The following HMGA2 variants were observed in gnomAD, a reference collection of about 807,000 sequenced individuals.
The protein encoded by HMGA2 is high mobility group protein HMGI-C.
Under a neutral mutation model 19.1 loss-of-function variants are expected in HMGA2, and 8 were observed. The ratio of observed to expected loss-of-function variants is 0.42; its 90% CI spans 0.25 to 0.76. The LOEUF (loss-of-function observed/expected upper bound fraction) is 0.76. HMGA2 is among the 30% of genes least tolerant of loss of function. The pLI, the probability that HMGA2 is intolerant of heterozygous loss-of-function variation, is 0.28. For synonymous variants in HMGA2, 60 were observed against 48.8 expected, an observed-to-expected ratio of 1.23 and a Z score of -0.96; for missense variants, 109 against 136.3, an observed-to-expected ratio of 0.80 and a Z score of 1.00.
intron 3 of HMGA2, among the ~76,000 whole-genome samples, chr12:65,861,194 T>C (rs1212521661): frequency 6.6e-6 from 1 of 152,156 alleles, no homozygotes; most frequent in Non-Finnish European, 1.5e-5. Context: ...GGTGAAACTC[T>C]GTCTCTACTG....
At chr12:65,909,997 T>TA (rs1469800129) in intron 3 of HMGA2, among the ~76,000 whole-genome samples, 1 of 152,002 alleles carries the variant, frequency 6.6e-6, no homozygotes, top group Non-Finnish European at 1.5e-5. Context: ...CTAGGACCAG[T>TA]AAAAAGGGCA....
At chr12:65,894,896 G>T (rs931465587) in intron 3 of HMGA2, among the ~76,000 whole-genome samples, 2 of 152,116 alleles carry the variant, frequency 1.3e-5, no homozygotes, top group Non-Finnish European at 2.9e-5. Context: ...ATGATTACAT[G>T]GGCAAATAAG....
chr12:65,833,144 T>C (rs933710849), intron 2 of HMGA2, among the ~76,000 whole-genome samples: 12 of 152,116 alleles, frequency 7.9e-5, no homozygotes, highest in Admixed American at 4.6e-4. Flanking sequence ...GTAATGTCTC[T>C]TCAAGGCTAA....
At chr12:65,959,182 C>T (rs1486327422) in intron 4 of HMGA2, among the ~76,000 whole-genome samples, 5 of 152,196 alleles carry the variant, frequency 3.3e-5, no homozygotes, top group African/African-American at 1.2e-4. Flanking sequence ...ATTGGGCTGT[C>T]TTCCTCCTCC....
In HMGA2 at chr12:65,945,656, G is replaced by A. The variant is rs559172127; in HGVS notation, c.250-5727G>A. Among the ~76,000 whole-genome samples the A allele has an allele frequency of 9.8e-5, 15 of 152,294 alleles. 2 individuals carry two copies. In the South Asian group the frequency reaches 2.1e-3, roughly 21 times the overall value. On this transcript the variant is annotated intron_variant, in intron 3 of 4. Coordinates refer to ENST00000403681, the MANE Select transcript of HMGA2 (RefSeq NM_003483.6). ...ATCAATGTGCCCAACCACACAAGTCGAGGCTGCTGCTGGCCTTGATGGTTC... is the reference window on the plus strand; with the variant it reads ...ATCAATGTGCCCAACCACACAAGTCAAGGCTGCTGCTGGCCTTGATGGTTC...
chr12:65,931,563 G>GTGTGTGTT (rs1399668948), intron 3 of HMGA2, among the ~76,000 whole-genome samples: 2 of 149,252 alleles, frequency 1.3e-5, no homozygotes, highest in African/African-American at 4.9e-5. Flanking sequence ...GTGTGTGTGT[G>GTGTGTGTT]TGTGTGTGTG....
chr12:65,847,276 G>A (rs941289481), intron 3 of HMGA2, among the ~76,000 whole-genome samples: 6 of 152,076 alleles, frequency 3.9e-5, no homozygotes, highest in South Asian at 4.1e-4. Flanking sequence ...GTGTTAAATC[G>A]TCAGGTACAG....
intron 4 of HMGA2, chr12:65,955,652 T>A (rs1592467387): frequency 6.6e-6 from 1 of 152,236 alleles, no homozygotes; most frequent in Non-Finnish European, 1.5e-5. Flanking sequence ...TTAGGACAGG[T>A]ATAAACCTGC....
At chr12:65,852,639 G>T (rs998557070) in intron 3 of HMGA2, among the ~76,000 whole-genome samples, 1 of 152,074 alleles carries the variant, frequency 6.6e-6, no homozygotes, top group Non-Finnish European at 1.5e-5. Flanking sequence ...TGGTTTATGA[G>T]GCATTTACTC....
intron 3 of HMGA2, among the ~76,000 whole-genome samples, chr12:65,932,297 T>C (rs1440136525): frequency 1.3e-5 from 2 of 152,246 alleles, no homozygotes; most frequent in African/African-American, 4.8e-5. Context: ...CCAATGTGCA[T>C]GATATGTGTG....
Position 65,933,898 on chromosome 12 carries a change from CG to C in HMGA2, c.250-17484del, listed in dbSNP as rs150170610. On this transcript the variant is annotated intron_variant, in intron 3 of 4. Transcript: ENST00000403681. The stretch of plus-strand genomic sequence containing the variant: ...AATAGAGTGAAGAAAGCAATGCCAA[CG>C]TAGACCAATTTTATCACTAATATAG... Among the ~76,000 whole-genome samples the C allele has an allele frequency of 3.1e-3, 472 of 152,262 alleles. 5 individuals carry two copies. The highest frequency in any genetic ancestry group is 0.011 in the African/African-American group (453 of 41,558).
At chr12:65,863,992 T>G (rs1872250209) in intron 3 of HMGA2, among the ~76,000 whole-genome samples, 1 of 152,188 alleles carries the variant, frequency 6.6e-6, no homozygotes, top group Non-Finnish European at 1.5e-5. Context: ...GAAATATCAT[T>G]TCCCGCACTG....
chr12:65,843,145 A>G (rs1460737838), intron 3 of HMGA2: 2 of 225,916 alleles, frequency 8.9e-6, no homozygotes, highest in Non-Finnish European at 1.8e-5. Flanking sequence ...TGGAGATACT[A>G]AGATTGACCT....
At chr12:65,830,169 G>A in intron 2 of HMGA2, among the ~76,000 whole-genome samples, 1 of 151,824 alleles carries the variant, frequency 6.6e-6, no homozygotes, top group East Asian at 1.9e-4. Context: ...CGCTTCATCT[G>A]GAGAAGAGAA....
intron 3 of HMGA2, among the ~76,000 whole-genome samples, chr12:65,927,831 CTGTGTG>C (rs143707177): frequency 2.1e-5 from 3 of 145,082 alleles, no homozygotes; most frequent in African/African-American, 5.1e-5. Context: ...CTCTTTGTAT[CTGTGTG>C]TGTGTGTGTG....
At chr12:65,939,562 G>A (rs1447286136) in intron 3 of HMGA2, among the ~76,000 whole-genome samples, 2 of 152,136 alleles carry the variant, frequency 1.3e-5, no homozygotes, top group East Asian at 1.9e-4. Context: ...CACCATGTTG[G>A]CCAGGCTGGT....
intron 3 of HMGA2, among the ~76,000 whole-genome samples, chr12:65,871,493 T>A (rs1044796514): frequency 6.6e-6 from 1 of 152,262 alleles, no homozygotes; most frequent in African/African-American, 2.4e-5. Context: ...AGTTCATTAG[T>A]AGAAGCAAGA....
At chr12:65,910,238 C>A (rs1469698697) in intron 3 of HMGA2, among the ~76,000 whole-genome samples, 9 of 152,210 alleles carry the variant, frequency 5.9e-5, no homozygotes, top group African/African-American at 1.7e-4. Context: ...GAAGAGGCCT[C>A]TGCTCAGTCT....
intron 3 of HMGA2, among the ~76,000 whole-genome samples, chr12:65,909,616 AG>A (rs1482220484): frequency 1.3e-5 from 2 of 152,182 alleles, no homozygotes; most frequent in African/African-American, 4.8e-5. Flanking sequence ...AAGAAAAAAA[AG>A]GGATGATGAA....
Sources: gnomAD v4.1 joint callset for allele counts (sites outside exome capture counted in the v4.1 genomes callset) on GRCh38, gnomAD v4.1.1 for gene constraint, MANE v1.5 for transcripts, NCBI Gene and HGNC (gene_info 2026-07-23, HGNC 2026-07-21) for gene names.